The following AIM2 variants were observed in gnomAD, a reference collection of about 807,000 sequenced individuals.
AIM2 encodes the protein absent in melanoma 2, also known as interferon-inducible protein AIM2.
In AIM2, 30 loss-of-function variants were observed where a neutral mutation model predicts 27.7. The observed-to-expected ratio is 1.08, with a 90% confidence interval of 0.81 to 1.47. AIM2 has a LOEUF of 1.47. Among genes scored for constraint, AIM2 ranks in the 40% most tolerant of loss-of-function variants. The probability of loss-of-function intolerance (pLI) is 0.00; values close to 1 mark genes in which losing one functional copy is unlikely to be tolerated. For missense variants in AIM2, 358 were observed against 411.3 expected, an observed-to-expected ratio of 0.87 and a Z score of 1.12; for synonymous variants, 141 against 145.3, an observed-to-expected ratio of 0.97 and a Z score of 0.21.
chr1:159,092,293 T>C (rs541014048), intron 1 of AIM2, among the ~76,000 whole-genome samples: 1 of 152,202 alleles, frequency 6.6e-6, no homozygotes, highest in Non-Finnish European at 1.5e-5. Flanking sequence ...AGTTACTACA[T>C]AATATGTAGA....
intron 1 of AIM2, among the ~76,000 whole-genome samples, chr1:159,136,948 C>T (rs1218757003): frequency 6.6e-6 from 1 of 152,174 alleles, no homozygotes; most frequent in Non-Finnish European, 1.5e-5. Context: ...ATCACCGTGC[C>T]ACAGCTTGCT....
intron 1 of AIM2, among the ~76,000 whole-genome samples, chr1:159,139,539 A>G (rs1166097495): frequency 6.6e-6 from 1 of 152,154 alleles, no homozygotes; most frequent in Admixed American, 6.5e-5. Context: ...TTTTTAATAC[A>G]TAAGCAAATT....
At chr1:159,104,532 A>T (rs762513453) in intron 1 of AIM2, among the ~76,000 whole-genome samples, 1 of 152,200 alleles carries the variant, frequency 6.6e-6, no homozygotes, top group Admixed American at 6.5e-5. Context: ...TTATCATTCA[A>T]ATTGAGATGT....
intron 1 of AIM2, among the ~76,000 whole-genome samples, chr1:159,117,470 TA>T (rs920193180): frequency 6.6e-6 from 1 of 152,150 alleles, no homozygotes; most frequent in African/African-American, 2.4e-5. Context: ...GATTTTTTTA[TA>T]AAACAGAGAA....
chr1:159,116,539 T>C (rs549727348), intron 1 of AIM2, among the ~76,000 whole-genome samples: 175 of 152,228 alleles, frequency 1.1e-3, no homozygotes, highest in African/African-American at 3.9e-3. Flanking sequence ...TGTAGGGACA[T>C]GGATAAAGCT....
At chr1:159,056,036 G>T in the AIM2 span, among the ~76,000 whole-genome samples, 31 of 152,284 alleles carry the variant, frequency 2.0e-4, no homozygotes, top group African/African-American at 7.5e-4. Context: ...ATGGAATGGG[G>T]AAGTCTACTA....
upstream of AIM2, among the ~76,000 whole-genome samples, chr1:159,143,583 C>T (rs1449154325): frequency 4.8e-4 from 1 of 2,100 alleles, no homozygotes; most frequent in Non-Finnish European, 8.0e-4. Flanking sequence ...TCAGTGTGTA[C>T]ACACACACAC....
At chr1:159,060,794 T>G (rs1466248718), downstream of AIM2, among the ~76,000 whole-genome samples, 2 of 152,202 alleles carry the variant, frequency 1.3e-5, no homozygotes, top group African/African-American at 4.8e-5. Flanking sequence ...ATTTTTCAGG[T>G]GAGGGATAAT....
downstream of AIM2, among the ~76,000 whole-genome samples, chr1:159,061,758 A>G (rs1030194414): frequency 6.6e-6 from 1 of 151,938 alleles, no homozygotes; most frequent in African/African-American, 2.4e-5. Flanking sequence ...GCCCCAATCT[A>G]TGGTTTGCCT....
downstream of AIM2, among the ~76,000 whole-genome samples, chr1:159,059,332 AT>A (rs1655757753): frequency 6.6e-6 from 1 of 152,018 alleles, no homozygotes; most frequent in African/African-American, 2.4e-5. Flanking sequence ...GTTTAAGATT[AT>A]TTTGCTCATT....
chr1:159,146,728 C>G (rs1030611399), intron 1 of AIM2, among the ~76,000 whole-genome samples: 3 of 152,170 alleles, frequency 2.0e-5, no homozygotes, highest in Non-Finnish European at 1.5e-5. Flanking sequence ...TTCTCTGTCT[C>G]TGCCCCCCTT....
Position 159,073,428 on chromosome 1 carries a change from C to G in AIM2, c.72G>C (p.Arg24Ser). 6.2e-7 allele frequency: 1 copy of G among 1,614,090 alleles called. No homozygotes were observed. The highest frequency in any genetic ancestry group is 8.5e-7 in the Non-Finnish European group (1 of 1,180,012). ...ACTCGTCTGAAAGAAAGAACTTAAA[C>G]CTATCCAGTTCCTCATCAGTGATGT... ...LDNITDEELD[R>S]FKFFLSDEFN... is the part of the protein sequence containing the mutation. Residue 24 changes from arginine to serine, a missense_variant, in exon 2 of 6, where the codon AGG (arginine) becomes AGC (serine). Coordinates refer to ENST00000368130, the MANE Select transcript of AIM2 (RefSeq NM_004833.3).
chr1:159,108,633 C>T (rs1460920102), intron 1 of AIM2, among the ~76,000 whole-genome samples: 1 of 152,078 alleles, frequency 6.6e-6, no homozygotes, highest in African/African-American at 2.4e-5. Context: ...CATAATTTAA[C>T]TAGAAAACCC....
chr1:159,095,229 C>T (rs1251487731), intron 1 of AIM2, among the ~76,000 whole-genome samples: 1 of 152,050 alleles, frequency 6.6e-6, no homozygotes, highest in African/African-American at 2.4e-5. Context: ...CAGTCTAAAT[C>T]AAAAGGAAGA....
intron 1 of AIM2, among the ~76,000 whole-genome samples, chr1:159,136,089 C>G (rs703153): frequency 0.9 from 137,446 of 152,178 alleles, 62,365 homozygotes; most frequent in East Asian, 1. Flanking sequence ...AAAATCTAGG[C>G]CTTTTACAGT....
intron 1 of AIM2, among the ~76,000 whole-genome samples, chr1:159,088,387 G>A (rs1194418961): frequency 6.6e-6 from 1 of 152,162 alleles, no homozygotes; most frequent in Non-Finnish European, 1.5e-5. Flanking sequence ...GATGTTTGCT[G>A]CTTCATAATG....
chr1:159,110,441 T>C (rs989712208), intron 1 of AIM2, among the ~76,000 whole-genome samples: 2 of 152,204 alleles, frequency 1.3e-5, no homozygotes, highest in South Asian at 2.1e-4. Context: ...AATTCTTTTA[T>C]ATTAGAAGCA....
At chr1:159,063,893 T>C (rs1570935686) in intron 4 of AIM2, among the ~76,000 whole-genome samples, 1 of 152,194 alleles carries the variant, frequency 6.6e-6, no homozygotes, top group Non-Finnish European at 1.5e-5. Context: ...TCAGTCTACT[T>C]AACATCAAGA....
chr1:159,084,063 A>G (rs1304171855), intron 1 of AIM2, among the ~76,000 whole-genome samples: 2 of 152,184 alleles, frequency 1.3e-5, no homozygotes, highest in African/African-American at 4.8e-5. Flanking sequence ...TATGTGGTAA[A>G]TATATTAATT....
Sources: gnomAD v4.1 joint callset for allele counts (sites outside exome capture counted in the v4.1 genomes callset) on GRCh38, gnomAD v4.1.1 for gene constraint, MANE v1.5 for transcripts, NCBI Gene and HGNC (gene_info 2026-07-23, HGNC 2026-07-21) for gene names.